Variants in DOCK2 observed in about 807,000 individuals in gnomAD.
DOCK2 encodes the protein dedicator of cytokinesis protein 2.
In DOCK2, 87 loss-of-function variants were observed where a neutral mutation model predicts 248.9. That is an observed-to-expected ratio of 0.35 (90% CI 0.29 to 0.42). The LOEUF (loss-of-function observed/expected upper bound fraction) is 0.42, where lower values mean the gene tolerates loss of function less well. DOCK2 is among the 10% of genes least tolerant of loss of function. The pLI, the probability that DOCK2 is intolerant of heterozygous loss-of-function variation, is 1.00. For synonymous variants in DOCK2, 805 were observed against 821.6 expected (o/e 0.98, Z 0.35); for missense variants, 1,747 against 2,300.2 (o/e 0.76, Z 4.92).
rs1761782350 is a variant in DOCK2, at chr5:169,714,349, C to T, written c.1844-11C>T. ...GTAATGATACTTCTGAATGTCTGGA[C>T]TCTATTTTAGTGGGCTTGCTGGGTT... On this transcript the variant is annotated splice_polypyrimidine_tract_variant and intron_variant, in intron 18 of 51. Coordinates refer to ENST00000520908, the MANE Select transcript of DOCK2 (RefSeq NM_004946.3). 1 of 1,613,984 alleles carries T rather than the reference C, an allele frequency of 6.2e-7. No homozygotes were observed. Among genetic ancestry groups the T allele is most frequent in the African/African-American group, 1.3e-5 (1 of 74,996 alleles).
In DOCK2 at chr5:169,996,832, G is replaced by A. The variant is rs549178655; in HGVS notation, c.3072+668G>A. Reference sequence around the variant, plus strand: ...TCCAGTGGGGGCTTAGGGGGTAGTAGGCACTGAGCTCATGAACTGGAATGA... The same window carrying A: ...TCCAGTGGGGGCTTAGGGGGTAGTAAGCACTGAGCTCATGAACTGGAATGA... On this transcript the variant is annotated intron_variant, in intron 30 of 51. Coordinates refer to ENST00000520908, the MANE Select transcript of DOCK2 (RefSeq NM_004946.3). 8.5e-5 allele frequency among the ~76,000 whole-genome samples: 13 copies of A among 152,312 alleles called. No homozygotes were observed. In the South Asian group the frequency reaches 2.7e-3, roughly 32 times the overall value.
chr5:169,842,839 A>G (rs184766348), intron 27 of DOCK2, among the ~76,000 whole-genome samples: 1 of 152,304 alleles, frequency 6.6e-6, no homozygotes, highest in Non-Finnish European at 1.5e-5. Flanking sequence ...AACATAGGCA[A>G]GTAACTACTC....
intron 6 of DOCK2, 147 bp downstream of exon 6, chr5:169,674,592 T>A: frequency 2.4e-6 from 3 of 1,229,946 alleles, no homozygotes; most frequent in Non-Finnish European, 3.4e-6. Context: ...TGTGCTTGCG[T>A]GCCGTTGTTA....
rs144187101 is a variant in DOCK2 at position 170,009,134 on chromosome 5, C to T, written c.3232+388C>T. ...CGTGGTCCACAAAACGTACTCCAAC[C>T]TCATAAGGAGAATTGGCTCTCTGAA... is the stretch of plus-strand genomic sequence containing the variant. On this transcript the variant is annotated intron_variant, in intron 32 of 51. Transcript: ENST00000520908. 2.4e-3 allele frequency among the ~76,000 whole-genome samples: 360 copies of T among 152,118 alleles called. 1 individual carries two copies. Among genetic ancestry groups the T allele is most frequent in the African/African-American group, 8.3e-3 (345 of 41,488 alleles).
intron 4 of DOCK2, 91 bp from the exon 5 acceptor site, chr5:169,670,987 G>T: frequency 2.9e-6 from 3 of 1,046,652 alleles, no homozygotes; most frequent in Admixed American, 2.0e-5. Context: ...AGGCCCCTCC[G>T]CAGCTGCAGC....
intron 27 of DOCK2, among the ~76,000 whole-genome samples, chr5:169,949,671 A>G (rs540015027): frequency 1.4e-4 from 13 of 92,280 alleles, no homozygotes; most frequent in Non-Finnish European, 2.3e-4. Flanking sequence ...AGTAAATAGC[A>G]TGTTCAATGT....
chr5:169,658,862 C>G (rs935794914), intron 2 of DOCK2, among the ~76,000 whole-genome samples: 5 of 151,600 alleles, frequency 3.3e-5, no homozygotes, highest in Admixed American at 6.6e-5. Context: ...AAGACTCCAT[C>G]TCTGAAAAAT....
chr5:169,686,290 G>A (rs558451464), intron 8 of DOCK2, among the ~76,000 whole-genome samples: 49 of 152,218 alleles, frequency 3.2e-4, no homozygotes, highest in Admixed American at 6.5e-4. Flanking sequence ...TGACAAGGGA[G>A]TGTGGTCGGC....
At chr5:169,911,100 T>G (rs1031925233) in intron 27 of DOCK2, among the ~76,000 whole-genome samples, 1 of 152,202 alleles carries the variant, frequency 6.6e-6, no homozygotes, top group African/African-American at 2.4e-5. Flanking sequence ...GTGACATCAG[T>G]TCTTTTCTAG....
intron 35 of DOCK2, 30 bp downstream of exon 35, chr5:170,034,585 C>G (rs770790660): frequency 1.2e-6 from 2 of 1,611,778 alleles, no homozygotes; most frequent in Non-Finnish European, 1.7e-6. Flanking sequence ...CCAAGTCAGA[C>G]CAGAACCCTG....
intron 1 of DOCK2, among the ~76,000 whole-genome samples, chr5:169,642,142 C>A (rs568882782): frequency 6.6e-6 from 1 of 152,184 alleles, no homozygotes; most frequent in African/African-American, 2.4e-5. Context: ...ACAGAGGGAC[C>A]AATTATACTG....
chr5:169,644,888 G>C (rs1394793975), intron 1 of DOCK2, among the ~76,000 whole-genome samples: 1 of 152,116 alleles, frequency 6.6e-6, no homozygotes, highest in Non-Finnish European at 1.5e-5. Flanking sequence ...AGTGAGAACA[G>C]GCAGTGTTTG....
chr5:169,804,623 C>G (rs1423037879), intron 26 of DOCK2, among the ~76,000 whole-genome samples: 1 of 152,194 alleles, frequency 6.6e-6, no homozygotes, highest in Non-Finnish European at 1.5e-5. Flanking sequence ...TAAATGCAAT[C>G]TGCGCATTCT....
intron 39 of DOCK2, 136 bp from the exon 40 acceptor site, chr5:170,047,374 T>C (rs1756751243): frequency 1.5e-6 from 1 of 670,508 alleles, no homozygotes; most frequent in African/African-American, 1.8e-5. Flanking sequence ...ATTATAGACA[T>C]AGCACAGATA....
intron 44 of DOCK2, among the ~76,000 whole-genome samples, chr5:170,063,083 A>C (rs1393769117): frequency 1.3e-5 from 2 of 152,150 alleles, no homozygotes; most frequent in African/African-American, 4.8e-5. Context: ...TAAACACCTT[A>C]GCTCTGGGAG....
At chr5:169,854,789 T>C (rs964308442) in intron 27 of DOCK2, among the ~76,000 whole-genome samples, 4 of 152,172 alleles carry the variant, frequency 2.6e-5, no homozygotes, top group African/African-American at 9.7e-5. Context: ...GTCCCAGAGA[T>C]GGAAATGACA....
chr5:170,027,157 AG>A (rs1281959767), intron 33 of DOCK2, among the ~76,000 whole-genome samples: 2 of 152,160 alleles, frequency 1.3e-5, no homozygotes, highest in African/African-American at 4.8e-5. Flanking sequence ...TTGAGCAAAA[AG>A]ACTCATTTTG....
At chr5:169,949,903 G>A (rs1346171162) in intron 27 of DOCK2, among the ~76,000 whole-genome samples, 1 of 152,044 alleles carries the variant, frequency 6.6e-6, no homozygotes, top group African/African-American at 2.4e-5. Flanking sequence ...ATATCAGTTA[G>A]TAACTCTTCT....
intron 34 of DOCK2, among the ~76,000 whole-genome samples, chr5:170,030,838 A>G (rs888057140): frequency 6.6e-6 from 1 of 152,112 alleles, no homozygotes; most frequent in African/African-American, 2.4e-5. Flanking sequence ...ACTGATACAC[A>G]GGGCCCCCAC....
Sources: allele counts gnomAD v4.1 joint callset (sites outside exome capture counted in the v4.1 genomes callset), GRCh38; gene constraint gnomAD v4.1.1; transcripts MANE v1.5; gene names NCBI Gene and HGNC (gene_info 2026-07-23, HGNC 2026-07-21).